CSMD1: variants seen among roughly 807,000 people sequenced by gnomAD.
The protein encoded by CSMD1 is CUB and sushi domain-containing protein 1.
In CSMD1, 213 loss-of-function variants were observed where a neutral mutation model predicts 417.5. That is an observed-to-expected ratio of 0.51 (90% confidence interval 0.46 to 0.57). The LOEUF (loss-of-function observed/expected upper bound fraction) is 0.57. Among genes scored for constraint, CSMD1 ranks in the 20% least tolerant of loss-of-function variants. CSMD1 has a pLI of 0.00. For missense variants in CSMD1, 6,923 were observed against 4,529.7 expected (o/e 1.53, Z -15.17); for synonymous variants, 2,862 against 1,736.8 (o/e 1.65, Z -16.11).
chr8:3,163,055 A>T (rs1585522990), intron 37 of CSMD1, among the ~76,000 whole-genome samples: 1 of 152,356 alleles, frequency 6.6e-6, no homozygotes, highest in East Asian at 1.9e-4. Flanking sequence ...ATTTTGGTTT[A>T]TCAAAAGGTA....
At chr8:3,096,034 AATT>A (rs1187922154) in intron 47 of CSMD1, among the ~76,000 whole-genome samples, 11 of 152,174 alleles carry the variant, frequency 7.2e-5, no homozygotes, top group African/African-American at 2.4e-4. Context: ...CCAGTAAAAT[AATT>A]ATTTAGATGA....
At chr8:3,741,855 T>G (rs1199217604) in intron 6 of CSMD1, among the ~76,000 whole-genome samples, 2 of 152,216 alleles carry the variant, frequency 1.3e-5, no homozygotes, top group East Asian at 3.9e-4. Flanking sequence ...TAGCAAACTC[T>G]TGTGGACCAA....
chr8:3,950,116 G>T (rs925118738), intron 5 of CSMD1, among the ~76,000 whole-genome samples: 2 of 152,048 alleles, frequency 1.3e-5, no homozygotes, highest in African/African-American at 4.8e-5. Flanking sequence ...ATAATAATTA[G>T]ACACGTTACA....
chr8:4,410,111 G>C (rs190813982), intron 3 of CSMD1, among the ~76,000 whole-genome samples: 2 of 152,252 alleles, frequency 1.3e-5, no homozygotes, highest in East Asian at 1.9e-4. Flanking sequence ...ACCGTACCCG[G>C]TCCCATACTT....
intron 1 of CSMD1, among the ~76,000 whole-genome samples, chr8:4,910,002 T>C (rs572204836): frequency 5.9e-5 from 9 of 152,360 alleles, no homozygotes; most frequent in African/African-American, 1.9e-4. Flanking sequence ...TTATCAATGA[T>C]TGAAATGTTT....
chr8:4,189,621 C>T (rs906313885), intron 3 of CSMD1, among the ~76,000 whole-genome samples: 3 of 152,034 alleles, frequency 2.0e-5, no homozygotes, highest in Non-Finnish European at 2.9e-5. Context: ...TGGCAAAGAC[C>T]CCTAGCAAAG....
intron 2 of CSMD1, among the ~76,000 whole-genome samples, chr8:4,569,128 G>A (rs1046823261): frequency 2.0e-5 from 3 of 152,122 alleles, no homozygotes; most frequent in African/African-American, 7.2e-5. Flanking sequence ...TGTTTGCTGT[G>A]CAGAAGCTCT....
chr8:4,361,905 A>C (rs966408356), intron 3 of CSMD1, among the ~76,000 whole-genome samples: 1 of 152,204 alleles, frequency 6.6e-6, no homozygotes, highest in East Asian at 1.9e-4. Flanking sequence ...CAGTGAGGCG[A>C]GTTCACTCCA....
intron 28 of CSMD1, among the ~76,000 whole-genome samples, chr8:3,221,296 T>C (rs1353750935): frequency 6.6e-6 from 1 of 152,188 alleles, no homozygotes; most frequent in Non-Finnish European, 1.5e-5. Context: ...TCTGTTTATT[T>C]GACAAGTTCA....
chr8:3,910,916 C>A (rs1160225974), intron 5 of CSMD1, among the ~76,000 whole-genome samples: 4 of 152,154 alleles, frequency 2.6e-5, no homozygotes, highest in African/African-American at 7.2e-5. Context: ...AGTATCTACA[C>A]AGAACTGTTA....
chr8:3,786,273 G>T (rs1365073597), intron 5 of CSMD1, among the ~76,000 whole-genome samples: 1 of 152,072 alleles, frequency 6.6e-6, no homozygotes, highest in Non-Finnish European at 1.5e-5. Context: ...TGGATACATG[G>T]GCATGGAGGT....
At chr8:4,248,427 C>T (rs186757901) in intron 3 of CSMD1, among the ~76,000 whole-genome samples, 3 of 152,230 alleles carry the variant, frequency 2.0e-5, no homozygotes, top group Non-Finnish European at 4.4e-5. Context: ...GAGAGCCCGT[C>T]CACTTGAACA....
intron 26 of CSMD1, among the ~76,000 whole-genome samples, chr8:3,283,193 A>C (rs558609184): frequency 6.6e-6 from 1 of 152,216 alleles, no homozygotes; most frequent in East Asian, 1.9e-4. Flanking sequence ...GTGGAAAAAA[A>C]ATTCACGGAC....
chr8:3,056,162 G>C (rs1035179787), intron 49 of CSMD1, among the ~76,000 whole-genome samples: 2 of 152,212 alleles, frequency 1.3e-5, no homozygotes, highest in African/African-American at 2.4e-5. Flanking sequence ...CAAAGAGTAA[G>C]TTGGTAGGTA....
At chr8:4,008,902 G>C (rs147260761) in intron 4 of CSMD1, among the ~76,000 whole-genome samples, 3 of 151,978 alleles carry the variant, frequency 2.0e-5, no homozygotes, top group African/African-American at 7.2e-5. Flanking sequence ...GAGCCACCGC[G>C]CCCAGTCTGA....
Position 4,736,210 on chromosome 8 carries a change from G to C in CSMD1, c.86-98652C>G, listed in dbSNP as rs550437225. Among the ~76,000 whole-genome samples the C allele has an allele frequency of 7.6e-4, 116 of 152,054 alleles. 1 individual carries two copies. Among genetic ancestry groups the C allele is most frequent in the African/African-American group, 2.8e-3 (114 of 41,450 alleles). On this transcript the variant is annotated intron_variant, in intron 1 of 69. Transcript: ENST00000635120. ...ATGTTTAATTATCTGTGCAGGACAG[G>C]GAAAAATGCTGTAAAAAATTTAAAA...
At chr8:4,430,511 T>A (rs907623013) in intron 2 of CSMD1, among the ~76,000 whole-genome samples, 1 of 152,124 alleles carries the variant, frequency 6.6e-6, no homozygotes, top group Non-Finnish European at 1.5e-5. Flanking sequence ...AAAAATTTCC[T>A]CCTAAGAAAT....
chr8:4,632,128 T>G (rs1802554518), intron 2 of CSMD1, among the ~76,000 whole-genome samples: 2 of 152,156 alleles, frequency 1.3e-5, no homozygotes, highest in Non-Finnish European at 2.9e-5. Context: ...TCACATTCAT[T>G]TAGGAGAGAG....
At chr8:4,034,327 T>G (rs1050618777) in intron 3 of CSMD1, among the ~76,000 whole-genome samples, 1 of 152,236 alleles carries the variant, frequency 6.6e-6, no homozygotes, top group Non-Finnish European at 1.5e-5. Context: ...ATTTACATAG[T>G]CAAAGTGTAT....
Sources: gnomAD v4.1 joint callset for allele counts (sites outside exome capture counted in the v4.1 genomes callset) on GRCh38, gnomAD v4.1.1 for gene constraint, MANE v1.5 for transcripts, NCBI Gene and HGNC (gene_info 2026-07-23, HGNC 2026-07-21) for gene names.